MEIS2: variants seen among roughly 807,000 people sequenced by gnomAD.
MEIS2 encodes the protein homeobox protein Meis2.
Under a neutral mutation model 58.6 loss-of-function variants are expected in MEIS2, and 9 were observed. The observed-to-expected ratio is 0.15, with a 90% CI of 0.09 to 0.27. The LOEUF (loss-of-function observed/expected upper bound fraction) is 0.27, where lower values mean the gene tolerates loss of function less well. MEIS2 is among the 10% of genes least tolerant of loss of function. The pLI is 1.00. For missense variants in MEIS2, 427 were observed against 635.0 expected, an observed-to-expected ratio of 0.67 and a Z score of 3.52; for synonymous variants, 221 against 228.4, an observed-to-expected ratio of 0.97 and a Z score of 0.29.
At chr15:37,075,253 A>T (rs1020126415) in intron 7 of MEIS2, among the ~76,000 whole-genome samples, 1 of 152,048 alleles carries the variant, frequency 6.6e-6, no homozygotes, top group Non-Finnish European at 1.5e-5. Flanking sequence ...TTCTGACCAT[A>T]TGCACATAAT....
chr15:37,018,273 A>G (rs1350950622), intron 8 of MEIS2, among the ~76,000 whole-genome samples: 1 of 152,214 alleles, frequency 6.6e-6, no homozygotes, highest in Non-Finnish European at 1.5e-5. Flanking sequence ...GAGAGCAATA[A>G]GAAACAATTA....
At chr15:37,036,629 T>G (rs1202628751) in intron 8 of MEIS2, 185 bp downstream of exon 8, 1 of 541,346 alleles carries the variant, frequency 1.8e-6, no homozygotes, top group Non-Finnish European at 3.1e-6. Context: ...CCTGCTACTT[T>G]CTAGAGGGTG....
At chr15:37,079,830 G>C (rs981637347) in intron 7 of MEIS2, among the ~76,000 whole-genome samples, 2 of 152,134 alleles carry the variant, frequency 1.3e-5, no homozygotes, top group African/African-American at 2.4e-5. Flanking sequence ...TGTCCTGAAA[G>C]ATTAGAGCAA....
rs987205548 is a variant in MEIS2 at position 37,098,447 on chromosome 15, CAGAA to C, written c.13-252_13-249del. 9 of 1,152,614 alleles carry C rather than the reference CAGAA, an allele frequency of 7.8e-6. No homozygotes were observed. In the African/African-American group the frequency reaches 1.6e-4, roughly 20 times the overall value. The allele number at this position is 1,152,614 out of a possible 1,614,324, so 71.4% of individuals were successfully genotyped here. A position where few individuals can be genotyped will look rare whatever the true frequency, so the allele number is the denominator to read the frequency against. The stretch of plus-strand genomic sequence containing the variant: ...GAGAAAATAAAAATAAAAACAAAGT[CAGAA>C]AGGAGAAAAGTACCGAGCACAAGTT... On this transcript the variant is annotated intron_variant, in intron 1 of 11. Coordinates refer to ENST00000561208, the MANE Select transcript of MEIS2 (RefSeq NM_170675.5).
At chr15:36,942,133 G>C (rs1170776161) in intron 9 of MEIS2, among the ~76,000 whole-genome samples, 1 of 152,112 alleles carries the variant, frequency 6.6e-6, no homozygotes, top group African/African-American at 2.4e-5. Context: ...GCAGAATTAA[G>C]GATTCTGGAT....
chr15:37,070,084 A>G (rs1430186492), intron 7 of MEIS2, among the ~76,000 whole-genome samples: 1 of 152,128 alleles, frequency 6.6e-6, no homozygotes, highest in Non-Finnish European at 1.5e-5. Context: ...TCATTTATAC[A>G]TTTTAGAGGG....
chr15:37,003,896 G>T (rs1408468736), intron 8 of MEIS2, among the ~76,000 whole-genome samples: 1 of 152,114 alleles, frequency 6.6e-6, no homozygotes, highest in Non-Finnish European at 1.5e-5. Flanking sequence ...CTCTACACCG[G>T]GAAGTAAGCC....
chr15:37,041,786 T>C (rs890642111), intron 7 of MEIS2, among the ~76,000 whole-genome samples: 3 of 152,050 alleles, frequency 2.0e-5, no homozygotes, highest in Admixed American at 2.0e-4. Context: ...AATATGTTCA[T>C]ACAAAATATA....
At chr15:36,931,056 T>C (rs2057958229) in intron 9 of MEIS2, among the ~76,000 whole-genome samples, 1 of 152,234 alleles carries the variant, frequency 6.6e-6, no homozygotes, top group Non-Finnish European at 1.5e-5. Flanking sequence ...TCCTAATGTC[T>C]ATGTTTGAAA....
At chr15:36,905,986 A>G (rs1271181361) in intron 9 of MEIS2, among the ~76,000 whole-genome samples, 1 of 152,238 alleles carries the variant, frequency 6.6e-6, no homozygotes, top group African/African-American at 2.4e-5. Flanking sequence ...ATTAATTTCA[A>G]ATTCTTGGAG....
chr15:36,898,391 G>A (rs2056296167), intron 9 of MEIS2: 1 of 152,250 alleles, frequency 6.6e-6, no homozygotes, highest in South Asian at 2.1e-4. Flanking sequence ...TGCTCAGGAG[G>A]GTCAGAGAAG....
At chr15:36,988,224 A>G (rs768705111) in intron 8 of MEIS2, among the ~76,000 whole-genome samples, 25 of 152,230 alleles carry the variant, frequency 1.6e-4, no homozygotes, top group Non-Finnish European at 3.2e-4. Context: ...TATGTGTATC[A>G]AAACATCATG....
At chr15:37,058,207 A>C (rs1596035371) in intron 7 of MEIS2, among the ~76,000 whole-genome samples, 3 of 152,224 alleles carry the variant, frequency 2.0e-5, no homozygotes, top group Non-Finnish European at 4.4e-5. Flanking sequence ...CCCTGCCTGA[A>C]AACAGGTCAA....
chr15:36,963,286 A>T (rs1244812028), intron 8 of MEIS2, among the ~76,000 whole-genome samples: 1 of 152,090 alleles, frequency 6.6e-6, no homozygotes, highest in Non-Finnish European at 1.5e-5. Flanking sequence ...AGGCTGAGGC[A>T]GGAGAATCGC....
In MEIS2 at chr15:37,002,746, A is replaced by T. The variant is rs141617410; in HGVS notation, c.900+34068T>A. ...TCTTGGCCCACTTTTTCTTACATTT[A>T]CTTTCATTTAAACGAGACAATGAAA... On this transcript the variant is annotated intron_variant, in intron 8 of 11. Coordinates refer to ENST00000561208, the MANE Select transcript of MEIS2 (RefSeq NM_170675.5). 3.8e-3 allele frequency among the ~76,000 whole-genome samples: 581 copies of T among 152,202 alleles called. 4 individuals carry two copies. The highest frequency in any genetic ancestry group is 0.013 in the African/African-American group (530 of 41,528).
intron 8 of MEIS2, among the ~76,000 whole-genome samples, chr15:36,970,699 T>C (rs1370590647): frequency 6.6e-6 from 1 of 152,206 alleles, no homozygotes; most frequent in African/African-American, 2.4e-5. Flanking sequence ...GGATGTCCGC[T>C]GTAACCAGTT....
chr15:36,901,605 T>C (rs772929712), intron 9 of MEIS2, among the ~76,000 whole-genome samples: 2 of 152,142 alleles, frequency 1.3e-5, no homozygotes, highest in Admixed American at 1.3e-4. Context: ...CCCTAAGCAA[T>C]AGTTTGATTT....
At chr15:37,009,265 GGC>G (rs1567175940) in intron 8 of MEIS2, among the ~76,000 whole-genome samples, 78 of 152,028 alleles carry the variant, frequency 5.1e-4, no homozygotes, top group African/African-American at 1.8e-3. Flanking sequence ...CTCCAGCCTG[GGC>G]GACAGAGCGA....
At chr15:36,957,943 T>G (rs766634157) in intron 8 of MEIS2, among the ~76,000 whole-genome samples, 15 of 152,234 alleles carry the variant, frequency 9.9e-5, no homozygotes, top group Non-Finnish European at 2.2e-4. Flanking sequence ...AATTTTTTAC[T>G]TTTCATCCAG....
Sources: gnomAD v4.1 joint callset for allele counts (sites outside exome capture counted in the v4.1 genomes callset) on GRCh38, gnomAD v4.1.1 for gene constraint, MANE v1.5 for transcripts, NCBI Gene and HGNC (gene_info 2026-07-23, HGNC 2026-07-21) for gene names.